NBEA: variants seen among roughly 807,000 people sequenced by gnomAD.
NBEA encodes lysosomal-trafficking regulator 2.
Under a neutral mutation model 343.4 loss-of-function variants are expected in NBEA, and 44 were observed. The ratio of observed to expected loss-of-function variants is 0.13; its 90% CI spans 0.10 to 0.16. NBEA has a LOEUF of 0.16. Ranked by LOEUF, NBEA falls within the 10% of genes least tolerant of loss-of-function variation. The pLI, the probability that NBEA is intolerant of heterozygous loss-of-function variation, is 1.00. For missense variants in NBEA, 2,555 were observed against 3,631.3 expected (o/e 0.70, Z 7.62); for synonymous variants, 1,175 against 1,238.7 (o/e 0.95, Z 1.08).
At chr13:35,663,205 A>G (rs2085183879) in intron 55 of NBEA, among the ~76,000 whole-genome samples, 1 of 152,190 alleles carries the variant, frequency 6.6e-6, no homozygotes, top group South Asian at 2.1e-4. Flanking sequence ...CAAACACTAG[A>G]TTTTATTCCT....
intron 27 of NBEA, among the ~76,000 whole-genome samples, chr13:35,174,053 A>G (rs552457169): frequency 1.3e-5 from 2 of 152,224 alleles, no homozygotes; most frequent in South Asian, 2.1e-4. Flanking sequence ...TTGGCGTCAC[A>G]TCCAGTTTCA....
rs1406604508 is a variant in NBEA at position 35,046,529 on chromosome 13, T to C, written c.723+1128T>C. On this transcript the variant is annotated intron_variant, in intron 4 of 58. Transcript: ENST00000379939. ...TATGTTCTAAGACTGTCTCAGTGGA[T>C]ACCTGAAACTGCGGATGGTACTGAA... 3.3e-5 allele frequency among the ~76,000 whole-genome samples: 5 copies of C among 152,172 alleles called. No individual in the cohort carries two copies. In the East Asian group the frequency reaches 9.6e-4, roughly 29 times the overall value.
At chr13:35,059,804 A>G (rs960395178) in intron 8 of NBEA, among the ~76,000 whole-genome samples, 2 of 151,602 alleles carry the variant, frequency 1.3e-5, no homozygotes, top group Non-Finnish European at 3.0e-5. Context: ...ATTTACCCAT[A>G]TTAAAAGATC....
intron 33 of NBEA, among the ~76,000 whole-genome samples, chr13:35,229,644 T>C (rs932934873): frequency 1.3e-5 from 2 of 152,130 alleles, no homozygotes; most frequent in African/African-American, 2.4e-5. Flanking sequence ...GAGTTTTACA[T>C]TGTGTGTTTC....
rs117452175 is a variant in NBEA, at chr13:35,081,806, C to T, written c.1571+10954C>T. On this transcript the variant is annotated intron_variant, in intron 10 of 58. Coordinates refer to ENST00000379939, the MANE Select transcript of NBEA (RefSeq NM_001385012.1). ...TATTTTGTTGATTAAAAATACTTTGCGAAATTTATAGGTGTATGTGAATAT... is the reference window on the plus strand; with the variant it reads ...TATTTTGTTGATTAAAAATACTTTGTGAAATTTATAGGTGTATGTGAATAT... Among the ~76,000 whole-genome samples the T allele has an allele frequency of 7.3e-5, 11 of 151,724 alleles. No homozygotes were observed. The East Asian group carries it at 7.7e-4, about 11-fold the overall frequency.
In NBEA at chr13:35,112,402, TATAC is replaced by T. The variant is rs140608160; in HGVS notation, c.2002+1432_2002+1435del. ...AATTATAGATAAATAGACATATTCA[TATAC>T]ATACATAAGACTGCATCTATATATA... On this transcript the variant is annotated intron_variant, in intron 13 of 58. Transcript: ENST00000379939. Among the ~76,000 whole-genome samples, 224 of 152,244 alleles carry T rather than the reference TATAC, an allele frequency of 1.5e-3. 1 individual carries two copies. Among genetic ancestry groups the T allele is most frequent in the African/African-American group, 4.9e-3 (205 of 41,574 alleles).
At chr13:35,563,539 A>T (rs934878500) in intron 44 of NBEA, among the ~76,000 whole-genome samples, 1 of 151,950 alleles carries the variant, frequency 6.6e-6, no homozygotes, top group African/African-American at 2.4e-5. Context: ...ATTCAAATCA[A>T]ATACATATAT....
intron 36 of NBEA, among the ~76,000 whole-genome samples, chr13:35,339,869 T>G (rs1429354736): frequency 6.6e-6 from 1 of 152,048 alleles, no homozygotes; most frequent in Non-Finnish European, 1.5e-5. Context: ...ATCCAGTCAC[T>G]TCCCACCAAG....
chr13:35,121,380 T>G (rs1158500186), intron 16 of NBEA, among the ~76,000 whole-genome samples: 1 of 152,154 alleles, frequency 6.6e-6, no homozygotes, highest in Non-Finnish European at 1.5e-5. Flanking sequence ...GTGTTAGGAT[T>G]ACAGGCATGA....
chr13:35,225,438 G>C (rs1014192011), intron 33 of NBEA, among the ~76,000 whole-genome samples: 8 of 152,088 alleles, frequency 5.3e-5, no homozygotes, highest in African/African-American at 1.9e-4. Flanking sequence ...CTGTAGAGGA[G>C]ATAGGAAGAA....
chr13:35,670,661 C>T (rs2085576806), intron 58 of NBEA, among the ~76,000 whole-genome samples: 1 of 152,226 alleles, frequency 6.6e-6, no homozygotes, highest in Admixed American at 6.5e-5. Flanking sequence ...TCCGTGGGCC[C>T]CTCACGCTCT....
At chr13:35,300,830 G>T (rs2036490023) in intron 35 of NBEA, among the ~76,000 whole-genome samples, 1 of 152,026 alleles carries the variant, frequency 6.6e-6, no homozygotes, top group South Asian at 2.1e-4. Context: ...TTTTCCTATA[G>T]GATACATTTT....
In NBEA at chr13:35,038,602, C is replaced by G. The variant is rs9592864; in HGVS notation, c.295-2331C>G. Among the ~76,000 whole-genome samples the G allele has an allele frequency of 3.7e-3, 565 of 152,242 alleles. 2 individuals carry two copies. The highest frequency in any genetic ancestry group is 5.8e-3 in the Non-Finnish European group (396 of 68,014). On this transcript the variant is annotated intron_variant, in intron 1 of 58. Transcript: ENST00000379939. ...ATGATGAATGCTGCCTAGACTGGGT[C>G]CTTTCCTTCAAGGCAGTGGGTTTCC...
intron 33 of NBEA, among the ~76,000 whole-genome samples, chr13:35,222,142 T>A (rs1341426042): frequency 2.6e-5 from 4 of 152,266 alleles, no homozygotes; most frequent in Middle Eastern, 3.4e-3. Context: ...TGGTTTTTTT[T>A]AATCACTGAT....
chr13:35,115,474 A>G (rs1245864367), intron 13 of NBEA, among the ~76,000 whole-genome samples: 1 of 151,850 alleles, frequency 6.6e-6, no homozygotes, highest in Non-Finnish European at 1.5e-5. Flanking sequence ...CTCCGTCCCA[A>G]ATTTTACGTT....
At chr13:35,065,419 GAT>G (rs911812770) in intron 8 of NBEA, among the ~76,000 whole-genome samples, 13 of 151,786 alleles carry the variant, frequency 8.6e-5, no homozygotes, top group Non-Finnish European at 1.8e-4. Context: ...AATTTTGGTA[GAT>G]ATGTATTGGT....
intron 11 of NBEA, among the ~76,000 whole-genome samples, chr13:35,107,309 G>T (rs2065968556): frequency 6.6e-6 from 1 of 151,100 alleles, no homozygotes; most frequent in African/African-American, 2.4e-5. Flanking sequence ...TATTTATTTA[G>T]ATCATTTCCA....
chr13:35,484,232 A>ATGTG (rs1491451761), intron 41 of NBEA, among the ~76,000 whole-genome samples: 12 of 90,554 alleles, frequency 1.3e-4, no homozygotes, highest in Admixed American at 5.8e-4. Flanking sequence ...ACCTACATTA[A>ATGTG]TATGTGTGTG....
intron 48 of NBEA, among the ~76,000 whole-genome samples, chr13:35,622,289 G>C (rs533507823): frequency 6.6e-6 from 1 of 152,292 alleles, no homozygotes; most frequent in South Asian, 2.1e-4. Flanking sequence ...GGAAAGGTGG[G>C]ATGGAGGTTT....
Sources: gnomAD v4.1 joint callset for allele counts (sites outside exome capture counted in the v4.1 genomes callset) on GRCh38, gnomAD v4.1.1 for gene constraint, MANE v1.5 for transcripts, NCBI Gene and HGNC (gene_info 2026-07-23, HGNC 2026-07-21) for gene names.